SPAG9: variants seen among roughly 807,000 people sequenced by gnomAD.
The protein encoded by SPAG9 is sperm associated antigen 9, also known as C-Jun-amino-terminal kinase-interacting protein 4.
A neutral mutation model predicts 166.5 loss-of-function variants in SPAG9; 35 were observed. The observed-to-expected ratio is 0.21, with a 90% CI of 0.16 to 0.28. SPAG9 has a LOEUF of 0.28. Among genes scored for constraint, SPAG9 ranks in the 10% least tolerant of loss-of-function variants. The probability of loss-of-function intolerance (pLI) is 1.00; values close to 1 mark genes in which losing one functional copy is unlikely to be tolerated. For missense variants in SPAG9, 1,235 were observed against 1,603.3 expected, an observed-to-expected ratio of 0.77 and a Z score of 3.92; for synonymous variants, 534 against 565.5, an observed-to-expected ratio of 0.94 and a Z score of 0.79.
chr17:51,116,750 A>T (rs2049300160), intron 1 of SPAG9, among the ~76,000 whole-genome samples: 1 of 152,098 alleles, frequency 6.6e-6, no homozygotes, highest in Admixed American at 6.6e-5. Context: ...GGCGATTGAG[A>T]CTCTGTCTCC....
rs777410573 is a variant in SPAG9 at position 50,979,909 on chromosome 17, A to G, written c.3246T>C (p.Phe1082=). The change falls in exon 26 of 30, where the codon TTT becomes TTC. Residue 1082 remains phenylalanine (F), a synonymous_variant. Transcript: ENST00000262013. ...QPKAMKIEKS[F]DAHPRKESQV... is the part of the protein sequence containing the mutation. ...GGCTCTCCTTCCTGGGATGTGCATC[A>G]AAAGATTTCTAGGAGAGATTGTCCA... The G allele has an allele frequency of 6.2e-7, 1 of 1,612,804 alleles. No homozygotes were observed. The highest frequency in any genetic ancestry group is 1.1e-5 in the South Asian group (1 of 91,048).
intron 1 of SPAG9, among the ~76,000 whole-genome samples, chr17:51,118,878 T>C (rs2049379388): frequency 6.6e-6 from 1 of 152,020 alleles, no homozygotes; most frequent in South Asian, 2.1e-4. Flanking sequence ...GGAGAAATCC[T>C]GTCTCTACAA....
At chr17:51,113,769 C>T (rs773331328) in intron 1 of SPAG9, among the ~76,000 whole-genome samples, 1 of 150,628 alleles carries the variant, frequency 6.6e-6, no homozygotes, top group East Asian at 2.0e-4. Context: ...GGCTGAGGTG[C>T]GAGGAATGTC....
chr17:51,078,644 G>A (rs1598141879), intron 2 of SPAG9, among the ~76,000 whole-genome samples: 1 of 150,794 alleles, frequency 6.6e-6, no homozygotes, highest in Non-Finnish European at 1.5e-5. Flanking sequence ...ACTTAATTAG[G>A]TCTGTTTTTA....
At chr17:51,034,720 TA>T (rs1211929182) in intron 5 of SPAG9, among the ~76,000 whole-genome samples, 3 of 152,174 alleles carry the variant, frequency 2.0e-5, no homozygotes, top group Non-Finnish European at 4.4e-5. Flanking sequence ...ATTTTACTAA[TA>T]ATTGTTGTAG....
chr17:50,967,974 T>C (rs1345769944), intron 29 of SPAG9, among the ~76,000 whole-genome samples: 1 of 152,194 alleles, frequency 6.6e-6, no homozygotes, highest in Non-Finnish European at 1.5e-5. Flanking sequence ...TTAGTGGAAA[T>C]GGAAAAACCA....
chr17:50,985,712 C>T lies in SPAG9; in HGVS notation c.3006G>A (p.Ser1002=), dbSNP rs73986844. The T allele has an allele frequency of 1.8e-5, 29 of 1,592,702 alleles. No homozygotes were observed. Among genetic ancestry groups the T allele is most frequent in the African/African-American group, 9.4e-5 (7 of 74,564 alleles). ...ATAAAACTTACACAATACTGAGAAT[C>T]GAATCTTTAAGTTTAATGGAATGGA... ...KCLHSIKLKD[S]ILSIVHVKGI... is the part of the protein sequence containing the mutation. The change falls in exon 23 of 30, where the codon TCG becomes TCA. Residue 1002 remains serine, a synonymous_variant. Coordinates refer to ENST00000262013, the MANE Select transcript of SPAG9 (RefSeq NM_001130528.3).
intron 4 of SPAG9, chr17:51,046,501 T>C: frequency 6.5e-7 from 1 of 1,534,896 alleles, no homozygotes; most frequent in South Asian, 1.2e-5. Flanking sequence ...TGGGAGTACC[T>C]GAGTATCCTT....
intron 6 of SPAG9, among the ~76,000 whole-genome samples, chr17:51,025,971 C>T (rs1424226715): frequency 6.6e-6 from 1 of 151,968 alleles, no homozygotes; most frequent in African/African-American, 2.4e-5. Flanking sequence ...CACTTAAAAC[C>T]CATTAAGACG....
chr17:50,988,764 A>C (rs926022226), intron 21 of SPAG9, among the ~76,000 whole-genome samples: 1 of 152,174 alleles, frequency 6.6e-6, no homozygotes, highest in African/African-American at 2.4e-5. Context: ...TATGTTGCTC[A>C]GGTTGGTCTT....
intron 1 of SPAG9, among the ~76,000 whole-genome samples, chr17:51,094,512 C>T (rs149837969): frequency 9.2e-5 from 14 of 152,238 alleles, no homozygotes; most frequent in East Asian, 5.8e-4. Context: ...TATGAATTGA[C>T]GAATCCAGCA....
intron 2 of SPAG9, among the ~76,000 whole-genome samples, chr17:51,070,637 G>A (rs2047797570): frequency 6.6e-6 from 1 of 151,804 alleles, no homozygotes; most frequent in South Asian, 2.1e-4. Flanking sequence ...TTCCACAAAG[G>A]ATTTGAGACA....
At chr17:51,037,332 A>T (rs2046627264) in intron 5 of SPAG9, among the ~76,000 whole-genome samples, 1 of 152,114 alleles carries the variant, frequency 6.6e-6, no homozygotes, top group South Asian at 2.1e-4. Context: ...TTAAAAATAC[A>T]TAAAAAATAG....
At chr17:50,990,992 C>T (rs904961738) in intron 19 of SPAG9, among the ~76,000 whole-genome samples, 15 of 151,686 alleles carry the variant, frequency 9.9e-5, no homozygotes, top group African/African-American at 2.9e-4. Flanking sequence ...CTGCAACCTC[C>T]GCCTCCTTGG....
chr17:50,995,249 T>C (rs2044626700), intron 17 of SPAG9, 25 bp from the exon 18 acceptor site: 4 of 1,600,784 alleles, frequency 2.5e-6, no homozygotes, highest in Non-Finnish European at 3.4e-6. Flanking sequence ...AAGAAAACAA[T>C]ATTAAGTCTA....
intron 21 of SPAG9, among the ~76,000 whole-genome samples, chr17:50,987,570 C>T (rs537249341): frequency 6.7e-6 from 1 of 149,450 alleles, no homozygotes; most frequent in East Asian, 1.9e-4. Context: ...AAGTCAAAAG[C>T]TTACATCACA....
At chr17:51,088,966 G>A (rs1045078690) in intron 1 of SPAG9, among the ~76,000 whole-genome samples, 5 of 151,882 alleles carry the variant, frequency 3.3e-5, no homozygotes, top group Non-Finnish European at 5.9e-5. Context: ...GGTGGCACCC[G>A]CCTGTAGTCC....
intron 6 of SPAG9, chr17:51,023,411 T>A: frequency 4.1e-6 from 1 of 246,768 alleles, no homozygotes; most frequent in Non-Finnish European, 8.3e-6. Context: ...GCTGAAGTGG[T>A]AGCTTTAGAT....
chr17:50,966,445 G>A (rs1054140657), intron 29 of SPAG9, 58 bp from the exon 30 acceptor site: 5 of 1,071,976 alleles, frequency 4.7e-6, no homozygotes, highest in African/African-American at 1.6e-5. Flanking sequence ...AGAATGATGT[G>A]AGTCAGATGT....
Sources: gnomAD v4.1 joint callset for allele counts (sites outside exome capture counted in the v4.1 genomes callset) on GRCh38, gnomAD v4.1.1 for gene constraint, MANE v1.5 for transcripts, NCBI Gene and HGNC (gene_info 2026-07-23, HGNC 2026-07-21) for gene names.